The following MYO5B variants were observed in gnomAD, a reference collection of about 807,000 sequenced individuals.
The protein encoded by MYO5B is unconventional myosin-Vb.
MYO5B carries 143 observed loss-of-function variants against 229.3 expected under a neutral mutation model. The ratio of observed to expected loss-of-function variants is 0.62; its 90% CI spans 0.54 to 0.72. MYO5B has a LOEUF of 0.72. MYO5B is among the 30% of genes least tolerant of loss of function. The probability of loss-of-function intolerance (pLI) is 0.00; values close to 1 mark genes in which losing one functional copy is unlikely to be tolerated. For missense variants in MYO5B, 2,321 were observed against 2,331.0 expected, an observed-to-expected ratio of 1.00 and a Z score of 0.09; for synonymous variants, 918 against 885.2, an observed-to-expected ratio of 1.04 and a Z score of -0.66.
At chr18:49,891,567 A>G (rs1171246921) in intron 22 of MYO5B, among the ~76,000 whole-genome samples, 1 of 152,216 alleles carries the variant, frequency 6.6e-6, no homozygotes, top group African/African-American at 2.4e-5. Flanking sequence ...TGCTTTCTGC[A>G]GCAAGACAAC....
chr18:50,057,459 G>A (rs930512457), intron 1 of MYO5B, among the ~76,000 whole-genome samples: 7 of 152,214 alleles, frequency 4.6e-5, no homozygotes, highest in Non-Finnish European at 1.0e-4. Flanking sequence ...CCGAACGGAG[G>A]TGATGTTGTG....
intron 3 of MYO5B, among the ~76,000 whole-genome samples, chr18:50,039,418 G>A (rs1406638409): frequency 2.0e-5 from 3 of 151,948 alleles, no homozygotes; most frequent in South Asian, 2.1e-4. Context: ...TGCAAGCTCC[G>A]ACTCCCCGGT....
At chr18:50,165,813 G>GGAAA (rs2032842731) in intron 1 of MYO5B, among the ~76,000 whole-genome samples, 1 of 151,786 alleles carries the variant, frequency 6.6e-6, no homozygotes, top group Non-Finnish European at 1.5e-5. Context: ...AAGGAAGGAA[G>GGAAA]AAAAGAAGGA....
intron 17 of MYO5B, among the ~76,000 whole-genome samples, chr18:49,917,926 G>A (rs754842904): frequency 5.9e-5 from 9 of 152,204 alleles, no homozygotes; most frequent in Admixed American, 3.9e-4. Flanking sequence ...CTCAGGACCC[G>A]TGACTGCTTC....
chr18:49,839,108 A>G (rs1194281505), intron 36 of MYO5B, 36 bp downstream of exon 36: 18 of 1,611,634 alleles, frequency 1.1e-5, no homozygotes, highest in Non-Finnish European at 1.5e-5. Flanking sequence ...TTCAGACACC[A>G]TGATGAGTGA....
chr18:49,841,560 A>C, intron 34 of MYO5B, 106 bp from the exon 35 acceptor site: 2 of 1,044,058 alleles, frequency 1.9e-6, no homozygotes, highest in Non-Finnish European at 3.0e-6. Context: ...AGTGTTCCTG[A>C]GCAGCCCTGA....
chr18:49,897,394 T>C (rs932734866), intron 21 of MYO5B, among the ~76,000 whole-genome samples: 2 of 152,196 alleles, frequency 1.3e-5, no homozygotes, highest in African/African-American at 4.8e-5. Context: ...TCTAGGCTAA[T>C]GAATGTATCC....
intron 1 of MYO5B, among the ~76,000 whole-genome samples, chr18:50,183,058 C>G (rs887765818): frequency 1.3e-5 from 2 of 152,054 alleles, no homozygotes; most frequent in African/African-American, 4.8e-5. Flanking sequence ...CTACCTATGA[C>G]CTCAAAGCTT....
chr18:50,027,319 C>T (rs1411942718), intron 4 of MYO5B, among the ~76,000 whole-genome samples: 2 of 152,120 alleles, frequency 1.3e-5, no homozygotes, highest in Non-Finnish European at 1.5e-5. Context: ...ACTAGAACGG[C>T]GTGTAGGAGC....
At chr18:50,164,671 G>A (rs2032818310) in intron 1 of MYO5B, among the ~76,000 whole-genome samples, 1 of 152,046 alleles carries the variant, frequency 6.6e-6, no homozygotes, top group Admixed American at 6.6e-5. Context: ...ATGGTGGTTT[G>A]CTGCACCTAT....
In MYO5B at chr18:49,839,502, A is replaced by G. The variant is rs2024031304; in HGVS notation, c.4702-208T>C. On this transcript the variant is annotated intron_variant, in intron 35 of 39. Transcript: ENST00000285039. ...CTTGAAGGATGTAGAAAAACTCAAC[A>G]TGAGAGAGAAAGCCTGAATCGCTCA... 11 of 617,822 alleles carry G rather than the reference A, an allele frequency of 1.8e-5. No homozygotes were observed. In the Admixed American group the frequency reaches 2.1e-4, roughly 12 times the overall value. 38.3% of individuals were successfully genotyped at this position (617,822 alleles called of 1,614,324 possible).
At chr18:49,920,208 C>G (rs2025059428) in intron 17 of MYO5B, among the ~76,000 whole-genome samples, 1 of 152,030 alleles carries the variant, frequency 6.6e-6, no homozygotes, top group South Asian at 2.1e-4. Flanking sequence ...TAAAAACATT[C>G]TGAAATTAGA....
chr18:50,006,991 G>A (rs2026108932), intron 4 of MYO5B, among the ~76,000 whole-genome samples: 1 of 152,188 alleles, frequency 6.6e-6, no homozygotes, highest in African/African-American at 2.4e-5. Context: ...CCCCAGGAAA[G>A]CTCCAGAGGC....
chr18:50,191,900 G>A (rs1213375480), intron 1 of MYO5B, among the ~76,000 whole-genome samples: 1 of 152,178 alleles, frequency 6.6e-6, no homozygotes, highest in Admixed American at 6.5e-5. Flanking sequence ...TAAAATTGAA[G>A]CAAGACCAAA....
chr18:50,043,368 A>ATATTAAATATTAAATATT, intron 2 of MYO5B, among the ~76,000 whole-genome samples: 1 of 111,134 alleles, frequency 9.0e-6, no homozygotes, highest in Non-Finnish European at 1.7e-5. Context: ...AATATATTAT[A>ATATTAAATATTAAATATT]TAATATATAA....
intron 16 of MYO5B, among the ~76,000 whole-genome samples, chr18:49,931,335 C>T (rs886318893): frequency 2.6e-5 from 4 of 152,174 alleles, no homozygotes; most frequent in African/African-American, 9.7e-5. Flanking sequence ...GCTGTGCTCA[C>T]TGTGGCTTCA....
At chr18:50,165,023 G>T (rs1357695483) in intron 1 of MYO5B, among the ~76,000 whole-genome samples, 1 of 152,196 alleles carries the variant, frequency 6.6e-6, no homozygotes, top group African/African-American at 2.4e-5. Context: ...CAGGGCTTTG[G>T]AGCATCTATA....
intron 5 of MYO5B, among the ~76,000 whole-genome samples, chr18:49,995,819 A>T (rs2025981589): frequency 6.6e-6 from 1 of 152,212 alleles, no homozygotes; most frequent in Admixed American, 6.5e-5. Flanking sequence ...TCACATCACA[A>T]AAAGCCAGAT....
chr18:49,936,332 A>G lies in MYO5B; in HGVS notation c.1923T>C (p.His641=), dbSNP rs766350997. 96 of 1,600,350 alleles carry G rather than the reference A, an allele frequency of 6.0e-5. 1 individual carries two copies. In the South Asian group the frequency reaches 1.0e-3, roughly 17 times the overall value. ...TGGCATTCAGGGTCTCCATGAGCAG[A>G]TGCAGGGAGGTACGGAACTAGAGAG... ...TVGHQFRTSL[H]LLMETLNATT... The change falls in exon 16 of 40, where the codon CAT becomes CAC. Residue 641 remains histidine, a synonymous_variant. Transcript: ENST00000285039.
Sources: allele counts gnomAD v4.1 joint callset (sites outside exome capture counted in the v4.1 genomes callset), GRCh38; gene constraint gnomAD v4.1.1; transcripts MANE v1.5; gene names NCBI Gene and HGNC (gene_info 2026-07-23, HGNC 2026-07-21).